CIAPIN1: variants seen among roughly 807,000 people sequenced by gnomAD.
CIAPIN1 encodes the protein cytokine induced apoptosis inhibitor 1, also known as anamorsin.
In CIAPIN1, 18 loss-of-function variants were observed where a neutral mutation model predicts 34.3. The ratio of observed to expected loss-of-function variants is 0.52; its 90% CI spans 0.36 to 0.78. CIAPIN1 has a LOEUF of 0.78. Among genes scored for constraint, CIAPIN1 ranks in the 30% least tolerant of loss-of-function variants. The probability of loss-of-function intolerance (pLI) is 0.00; values close to 1 mark genes in which losing one functional copy is unlikely to be tolerated. For synonymous variants in CIAPIN1, 131 were observed against 140.4 expected, an observed-to-expected ratio of 0.93 and a Z score of 0.47; for missense variants, 310 against 372.5, an observed-to-expected ratio of 0.83 and a Z score of 1.38.
intron 1 of CIAPIN1, among the ~76,000 whole-genome samples, chr16:57,445,843 T>C (rs1170433890): frequency 7.6e-6 from 1 of 131,274 alleles, no homozygotes; most frequent in East Asian, 2.2e-4. Flanking sequence ...GGTTTTTTTT[T>C]TTTTTTTTTT....
intron 4 of CIAPIN1, among the ~76,000 whole-genome samples, chr16:57,435,833 C>T (rs1473708566): frequency 2.0e-5 from 3 of 151,948 alleles, no homozygotes; most frequent in African/African-American, 4.8e-5. Context: ...AATTTAAGGC[C>T]CTACATTATG....
In CIAPIN1 at chr16:57,440,791, G is replaced by A; in HGVS notation, c.138C>T (p.Asn46=). The stretch of plus-strand genomic sequence containing the variant: ...ACTTACATTGCAACAGCTGCTTGAT[G>A]TTTTCCACAGACACGCGGCCCTCAT... The part of the protein sequence containing the change: ...TGNEGRVSVE[N]IKQLLQSAHK... The change falls in exon 2 of 9, where the codon AAC becomes AAT. Residue 46 remains asparagine, a synonymous_variant. Transcript: ENST00000394391. 1 of 1,613,094 alleles carries A rather than the reference G, an allele frequency of 6.2e-7. No homozygotes were observed. Among genetic ancestry groups the A allele is most frequent in the South Asian group, 1.1e-5 (1 of 90,958 alleles).
At chr16:57,441,020 A>G in intron 1 of CIAPIN1, 37 bp from the exon 2 acceptor site, 1 of 1,342,632 alleles carries the variant, frequency 7.4e-7, no homozygotes, top group South Asian at 1.3e-5. Context: ...TCTGTGAGAT[A>G]TCATAAAATA....
chr16:57,434,057 C>T lies in CIAPIN1; in HGVS notation c.543G>A (p.Lys181=), dbSNP rs776339964. Residue 181 remains lysine, a synonymous_variant, in exon 5 of 9, where the codon AAG becomes AAA. Transcript: ENST00000394391. ...SRQLKLSITK[K]SSPSVKPAVD... is the part of the protein sequence containing the mutation. ...GGCCAGCCTTACCTGAAGGAGAAGA[C>T]TTCTTGGTGATGGAAAGCTTAAGCT... is the stretch of plus-strand genomic sequence containing the variant. 14 of 1,613,896 alleles carry T rather than the reference C, an allele frequency of 8.7e-6. No homozygotes were observed. The highest frequency in any genetic ancestry group is 1.2e-5 in the Non-Finnish European group (14 of 1,179,858).
intron 6 of CIAPIN1, among the ~76,000 whole-genome samples, chr16:57,432,213 C>T (rs1365994220): frequency 6.6e-6 from 1 of 152,034 alleles, no homozygotes; most frequent in Non-Finnish European, 1.5e-5. Flanking sequence ...ACTTGGGAGG[C>T]TGAAACATGA....
chr16:57,446,114 G>A (rs1272679476), intron 1 of CIAPIN1, among the ~76,000 whole-genome samples: 1 of 152,124 alleles, frequency 6.6e-6, no homozygotes, highest in Non-Finnish European at 1.5e-5. Context: ...CCAAAGTGCT[G>A]GGATTACAGG....
intron 3 of CIAPIN1, among the ~76,000 whole-genome samples, chr16:57,437,644 CCCCA>C (rs1340674544): frequency 6.6e-6 from 1 of 151,836 alleles, no homozygotes; most frequent in Non-Finnish European, 1.5e-5. Context: ...CTGCCTCAGC[CCCCA>C]CCAAGTAGCT....
chr16:57,429,091 G>T lies in CIAPIN1; in HGVS notation c.*79C>A, dbSNP rs1294174596. On this transcript the variant is annotated 3_prime_UTR_variant, in exon 9 of 9. Transcript: ENST00000394391. ...TCTCAGAGTGAACAAATCCAGAGGA[G>T]GTGGGAGGAGCCACCATGGTGGGAT... 1 of 955,862 alleles carries T rather than the reference G, an allele frequency of 1.0e-6. No homozygotes were observed. 59.2% of individuals were successfully genotyped at this position (955,862 alleles called of 1,614,324 possible). A position where few individuals can be genotyped will look rare whatever the true frequency, so the allele number is the denominator to read the frequency against.
At chr16:57,431,405 C>T in intron 6 of CIAPIN1, 139 bp from the exon 7 acceptor site, 2 of 561,322 alleles carry the variant, frequency 3.6e-6, no homozygotes, top group East Asian at 5.7e-5. Flanking sequence ...GGTTGATCAT[C>T]ATGTTCAACC....
chr16:57,439,412 G>T, intron 2 of CIAPIN1, 78 bp from the exon 3 acceptor site: 2 of 1,471,228 alleles, frequency 1.4e-6, no homozygotes, highest in Non-Finnish European at 1.9e-6. Flanking sequence ...CCCAACAAAA[G>T]CTACAGACCT....
intron 1 of CIAPIN1, among the ~76,000 whole-genome samples, chr16:57,447,132 C>A (rs1334046654): frequency 6.6e-6 from 1 of 152,204 alleles, no homozygotes; most frequent in Non-Finnish European, 1.5e-5. Flanking sequence ...AATTCCCAGT[C>A]AGGACCCCAG....
chr16:57,443,137 T>TTG (rs1555513611), intron 1 of CIAPIN1, among the ~76,000 whole-genome samples: 1 of 149,188 alleles, frequency 6.7e-6, no homozygotes, highest in African/African-American at 2.5e-5. Context: ...GGTTTTGTTT[T>TTG]TTTTTTTTTT....
chr16:57,446,403 G>A (rs75700677), intron 1 of CIAPIN1, among the ~76,000 whole-genome samples: 12,045 of 152,208 alleles, frequency 0.079, 863 homozygotes, highest in African/African-American at 0.19. Context: ...GTGCAGGGGG[G>A]AGCCGGATAT....
chr16:57,439,159 T>C (rs747060235), intron 3 of CIAPIN1, 23 bp downstream of exon 3: 1 of 1,612,178 alleles, frequency 6.2e-7, no homozygotes, highest in African/African-American at 1.3e-5. Context: ...TCAAACATGT[T>C]TTCCAAGTGA....
Position 57,447,368 on chromosome 16 carries a change from C to G in CIAPIN1, c.-82G>C. The G allele has an allele frequency of 1.2e-6, 1 of 828,464 alleles. No homozygotes were observed. 51.3% of individuals were successfully genotyped at this position (828,464 alleles called of 1,614,324 possible). On this transcript the variant is annotated 5_prime_UTR_variant, in exon 1 of 9. Coordinates refer to ENST00000394391, the MANE Select transcript of CIAPIN1 (RefSeq NM_020313.4). Reference sequence around the variant, plus strand: ...TGCCGCCTGGGCTCGCTCCCGGCTTCTCTCCAGCCGTCGACTCCACGCCTT... The same window carrying G: ...TGCCGCCTGGGCTCGCTCCCGGCTTGTCTCCAGCCGTCGACTCCACGCCTT...
Position 57,432,567 on chromosome 16 carries a change from C to T in CIAPIN1, c.557-7G>A, listed in dbSNP as rs1903112337. 6.2e-7 allele frequency: 1 copy of T among 1,610,070 alleles called. No homozygotes were observed. Among genetic ancestry groups the T allele is most frequent in the African/African-American group, 1.3e-5 (1 of 74,776 alleles). ...GGGTCCACAGCAGGTTTCACTGAGT[C>T]CAAGCAATAAAAGAAAAAACTCCAT... On this transcript the variant is annotated splice_region_variant and splice_polypyrimidine_tract_variant and intron_variant, in intron 5 of 8. Coordinates refer to ENST00000394391, the MANE Select transcript of CIAPIN1 (RefSeq NM_020313.4).
intron 1 of CIAPIN1, 77 bp downstream of exon 1, chr16:57,447,265 G>C (rs1376936644): frequency 5.1e-6 from 2 of 391,306 alleles, no homozygotes; most frequent in Non-Finnish European, 9.0e-6. Context: ...GAAAATGAGA[G>C]GATGTGGGAA....
intron 7 of CIAPIN1, among the ~76,000 whole-genome samples, chr16:57,430,865 T>C (rs1209571684): frequency 6.6e-6 from 1 of 152,074 alleles, no homozygotes; most frequent in Non-Finnish European, 1.5e-5. Flanking sequence ...TGGTAGGGTT[T>C]TGAGGGAGAG....
intron 1 of CIAPIN1, 121 bp from the exon 2 acceptor site, chr16:57,441,104 G>T: frequency 1.8e-6 from 1 of 554,520 alleles, no homozygotes; most frequent in Non-Finnish European, 3.0e-6. Flanking sequence ...TACTGTATAT[G>T]CTAAAGAGTC....
Sources: allele counts gnomAD v4.1 joint callset (sites outside exome capture counted in the v4.1 genomes callset), GRCh38; gene constraint gnomAD v4.1.1; transcripts MANE v1.5; gene names NCBI Gene and HGNC (gene_info 2026-07-23, HGNC 2026-07-21).